SCAND3: variants seen among roughly 807,000 people sequenced by gnomAD.
SCAND3 encodes the protein SCAN domain-containing protein 3.
At chr6:28,605,531 C>T in the SCAND3 span, among the ~76,000 whole-genome samples, 1 of 152,028 alleles carries the variant, frequency 6.6e-6, no homozygotes, top group East Asian at 1.9e-4. Context: ...GAAAGACATT[C>T]TATTTTTAAA....
the SCAND3 span, chr6:28,589,530 C>G: frequency 6.6e-6 from 1 of 152,132 alleles, no homozygotes; most frequent in Non-Finnish European, 1.5e-5. Context: ...CCATCGAATT[C>G]TCGTCGAAAA....
chr6:28,571,905 A>G, the SCAND3 span: 1 of 1,609,080 alleles, frequency 6.2e-7, no homozygotes, highest in Non-Finnish European at 8.5e-7. Flanking sequence ...TCAATATTTA[A>G]AGCTTTTAAT....
chr6:28,573,570 T>A, the SCAND3 span: 70 of 1,613,168 alleles, frequency 4.3e-5, no homozygotes, highest in Non-Finnish European at 5.7e-5. Context: ...TAAGTTTTGA[T>A]GGTTTCATTG....
the SCAND3 span, among the ~76,000 whole-genome samples, chr6:28,608,875 G>C: frequency 1.3e-5 from 2 of 151,596 alleles, no homozygotes; most frequent in Non-Finnish European, 2.9e-5. Flanking sequence ...TGTATTCCCA[G>C]CTAGCTACTT....
the SCAND3 span, chr6:28,589,821 T>C: frequency 1.3e-5 from 2 of 151,234 alleles, no homozygotes; most frequent in African/African-American, 4.9e-5. Flanking sequence ...TGAGCCTTGG[T>C]CTCGGGCGTG....
At chr6:28,603,204 C>G in the SCAND3 span, among the ~76,000 whole-genome samples, 1 of 151,960 alleles carries the variant, frequency 6.6e-6, no homozygotes, top group Non-Finnish European at 1.5e-5. Flanking sequence ...GTGATCTGCC[C>G]GCCTCAACCT....
chr6:28,572,126 T>C, the SCAND3 span: 3 of 1,613,918 alleles, frequency 1.9e-6, no homozygotes, highest in African/African-American at 4.0e-5. The surrounding 1 kb of genome is among the most constrained non-coding windows in gnomAD (Gnocchi z 4.1). Flanking sequence ...GGATAGTCAT[T>C]TTTAGCTTTT....
chr6:28,588,354 G>A, the SCAND3 span, among the ~76,000 whole-genome samples: 6 of 152,172 alleles, frequency 3.9e-5, no homozygotes, highest in African/African-American at 7.2e-5. The surrounding 1 kb of genome is among the most constrained non-coding windows in gnomAD (Gnocchi z 4.1). Flanking sequence ...GCTGAGCACA[G>A]TAGGCAGTTA....
chr6:28,570,736 G>T, the SCAND3 span: 1 of 152,128 alleles, frequency 6.6e-6, no homozygotes, highest in African/African-American at 2.4e-5. Flanking sequence ...TCTAGGAAAA[G>T]ATATTTTCTT....
At chr6:28,613,505 A>C in the SCAND3 span, among the ~76,000 whole-genome samples, 4 of 152,206 alleles carry the variant, frequency 2.6e-5, no homozygotes, top group Non-Finnish European at 4.4e-5. Flanking sequence ...GGTATCTTCC[A>C]AATATGATCA....
the SCAND3 span, among the ~76,000 whole-genome samples, chr6:28,598,390 T>C: frequency 6.6e-6 from 1 of 152,200 alleles, no homozygotes; most frequent in Admixed American, 6.5e-5. Context: ...TTTTGTATTG[T>C]TTGTCCTTCC....
the SCAND3 span, among the ~76,000 whole-genome samples, chr6:28,607,257 T>G: frequency 3.3e-5 from 5 of 152,158 alleles, no homozygotes; most frequent in Non-Finnish European, 5.9e-5. Flanking sequence ...CTTTCTCCTC[T>G]CAATGGACCG....
chr6:28,615,079 TGA>T, the SCAND3 span, among the ~76,000 whole-genome samples: 1 of 152,198 alleles, frequency 6.6e-6, no homozygotes, highest in Non-Finnish European at 1.5e-5. Flanking sequence ...TGCACAGACA[TGA>T]GAGACAATAG....
chr6:28,575,737 C>T, the SCAND3 span: 4 of 1,613,926 alleles, frequency 2.5e-6, no homozygotes, highest in Non-Finnish European at 8.5e-7. The surrounding 1 kb of genome is among the most constrained non-coding windows in gnomAD (Gnocchi z 4.2). Context: ...CATGCGAGTA[C>T]GTCCACCATG....
At chr6:28,589,427 C>G in the SCAND3 span, 1 of 152,150 alleles carries the variant, frequency 6.6e-6, no homozygotes, top group South Asian at 2.1e-4. Flanking sequence ...TCCAGCAATC[C>G]GAGTTCGAAT....
chr6:28,575,769 A>T, the SCAND3 span: 1 of 1,614,130 alleles, frequency 6.2e-7, no homozygotes. This position sits in a 1 kb window ranked among gnomAD's most constrained non-coding sequence, Gnocchi z 4.2. Flanking sequence ...GATGTGTATT[A>T]TGCAGAATGT....
chr6:28,575,697 G>A, the SCAND3 span: 2 of 1,614,084 alleles, frequency 1.2e-6, no homozygotes, highest in South Asian at 2.2e-5. The surrounding 1 kb of genome is among the most constrained non-coding windows in gnomAD (Gnocchi z 4.2). Flanking sequence ...CTTTTGTGAT[G>A]TTCTTGTATT....
the SCAND3 span, among the ~76,000 whole-genome samples, chr6:28,614,763 C>T: frequency 2.0e-5 from 3 of 152,110 alleles, no homozygotes; most frequent in African/African-American, 7.2e-5. Context: ...TCGTGCTGGT[C>T]CTGCAAAGCA....
chr6:28,587,235 C>G, the SCAND3 span: 1 of 155,730 alleles, frequency 6.4e-6, no homozygotes, highest in African/African-American at 2.4e-5. Flanking sequence ...GGAACCCAGA[C>G]TAGTGGGTCG....
Sources: gnomAD v4.1 joint callset for allele counts (sites outside exome capture counted in the v4.1 genomes callset) on GRCh38, gnomAD v4.1.1 for gene constraint, Gnocchi (gnomAD v3.1) non-coding constraint, MANE v1.5 for transcripts, NCBI Gene and HGNC (gene_info 2026-07-23, HGNC 2026-07-21) for gene names.